Variants in MYO5C observed in about 807,000 individuals in gnomAD.
The protein encoded by MYO5C is unconventional myosin-Vc.
Under a neutral mutation model 235.7 loss-of-function variants are expected in MYO5C, and 194 were observed. The ratio of observed to expected loss-of-function variants is 0.82; its 90% CI spans 0.73 to 0.93. The LOEUF is 0.93. Ranked by LOEUF, MYO5C falls within the 40% of genes least tolerant of loss-of-function variation. MYO5C has a pLI of 0.00. For synonymous variants in MYO5C, 707 were observed against 754.8 expected (o/e 0.94, Z 1.04); for missense variants, 2,038 against 2,127.2 (o/e 0.96, Z 0.82).
chr15:52,249,706 T>C lies in MYO5C; in HGVS notation c.1663-923A>G, dbSNP rs75467621. ...TGGTGGTGTGAGCCACTAGGACAGA[T>C]AGACAAAGGTGGCAAATACAGAGCT... On this transcript the variant is annotated intron_variant, in intron 13 of 40. Transcript: ENST00000261839. Among the ~76,000 whole-genome samples the C allele has an allele frequency of 0.01, 1,551 of 152,274 alleles. 115 individuals are homozygous for C. The East Asian group carries it at 0.21, about 21-fold the overall frequency.
intron 11 of MYO5C, 48 bp downstream of exon 11, chr15:52,256,591 G>GCA (rs2036589223): frequency 9.2e-7 from 1 of 1,085,896 alleles, no homozygotes; most frequent in African/African-American, 3.1e-5. Flanking sequence ...ACACACACGC[G>GCA]CGCGCGCGCG....
rs1273586886 is a variant in MYO5C at position 52,193,751 on chromosome 15, TGTGA to T, written c.*147_*150del. 12 of 753,984 alleles carry T rather than the reference TGTGA, an allele frequency of 1.6e-5. No homozygotes were observed. The East Asian group carries it at 3.3e-4, about 21-fold the overall frequency. The allele number at this position is 753,984 out of a possible 1,614,324, so 46.7% of individuals were successfully genotyped here. A position where few individuals can be genotyped will look rare whatever the true frequency, so the allele number is the denominator to read the frequency against. On this transcript the variant is annotated 3_prime_UTR_variant, in exon 41 of 41. Coordinates refer to ENST00000261839, the MANE Select transcript of MYO5C (RefSeq NM_018728.4). Reference sequence around the variant, plus strand: ...AAAATTACAGGAGCAGCATTGTCACTGTGAGTGAGAGATGATGTGGTCCATTTGA... The same window carrying T: ...AAAATTACAGGAGCAGCATTGTCACTGTGAGAGATGATGTGGTCCATTTGA...
chr15:52,223,715 C>T lies in MYO5C; in HGVS notation c.3456G>A (p.Glu1152=). 1 of 1,613,462 alleles carries T rather than the reference C, an allele frequency of 6.2e-7. No homozygotes were observed. The highest frequency in any genetic ancestry group is 8.5e-7 in the Non-Finnish European group (1 of 1,179,732). The change falls in exon 29 of 41, where the codon GAG becomes GAA. Residue 1152 remains glutamate, a synonymous_variant. Transcript: ENST00000261839. ...AATCCTTCTGAGACTGGAAATGGCT[C>T]TCCAAAACACTATTAAAGGAGGGGT... is the stretch of plus-strand genomic sequence containing the variant. ...EGLKKATRVL[E]SHFQSQKDCY...
intron 21 of MYO5C, among the ~76,000 whole-genome samples, 186 bp from the exon 22 acceptor site, chr15:52,237,832 G>A (rs942123683): frequency 9.9e-5 from 15 of 152,114 alleles, no homozygotes. Flanking sequence ...ATCTTGCTGG[G>A]TACACATCTT....
At chr15:52,217,878 G>C (rs766825403) in intron 32 of MYO5C, among the ~76,000 whole-genome samples, 4 of 152,108 alleles carry the variant, frequency 2.6e-5, no homozygotes, top group Non-Finnish European at 5.9e-5. Flanking sequence ...AGGTTTCGAA[G>C]GGGCCCGAGA....
At chr15:52,286,379 G>T (rs1168004239) in intron 1 of MYO5C, among the ~76,000 whole-genome samples, 3 of 148,752 alleles carry the variant, frequency 2.0e-5, no homozygotes, top group Non-Finnish European at 4.5e-5. Flanking sequence ...GCCTCTGCCC[G>T]GCCGCCCCTA....
Position 52,196,398 on chromosome 15 carries a change from G to A in MYO5C, c.4906C>T (p.Gln1636Ter). ...TTGACCTGAAGCAACCAGGCTGCCT[G>A]AGAGAGGGGCTCCAAAGTTTCCTTT... ...LAKETLEPLS[Q>*]AAWLLQVKKT... The change falls in exon 39 of 41, where the codon CAG becomes TAG. Residue 1636 changes from glutamine (Q) to a stop codon, truncating the protein, a stop_gained. Transcript: ENST00000261839. LOFTEE classifies it high-confidence loss of function. The A allele has an allele frequency of 3.1e-6, 5 of 1,614,188 alleles. No individual in the cohort carries two copies. The highest frequency in any genetic ancestry group is 4.2e-6 in the Non-Finnish European group (5 of 1,180,018).
At chr15:52,276,729 G>A (rs2037060972) in intron 4 of MYO5C, among the ~76,000 whole-genome samples, 1 of 152,148 alleles carries the variant, frequency 6.6e-6, no homozygotes, top group South Asian at 2.1e-4. Flanking sequence ...TATTTTGAGA[G>A]CAATTATTCA....
intron 24 of MYO5C, among the ~76,000 whole-genome samples, chr15:52,229,779 T>C (rs2035908599): frequency 6.6e-6 from 1 of 152,222 alleles, no homozygotes; most frequent in Non-Finnish European, 1.5e-5. Flanking sequence ...TTTAGCAAAC[T>C]GTTTCCTCTT....
At position 52,196,363 on chromosome 15, in the gene MYO5C, T is replaced by A; in HGVS notation, c.4941A>T (p.Thr1647=). 1 of 1,614,156 alleles carries A rather than the reference T, an allele frequency of 6.2e-7. No individual in the cohort carries two copies. Among genetic ancestry groups the A allele is most frequent in the East Asian group, 2.2e-5 (1 of 44,882 alleles). The change falls in exon 39 of 41, where the codon ACA becomes ACT. Residue 1647 remains threonine (T), a synonymous_variant. Coordinates refer to ENST00000261839, the MANE Select transcript of MYO5C (RefSeq NM_018728.4). ...AAWLLQVKKT[T]DSDAKEIYER... ...CGTAGATCTCCTTGGCATCACTGTC[T>A]GTGGTCTTCTTGACCTGAAGCAACC...
chr15:52,212,955 G>A (rs2035479461), intron 34 of MYO5C, among the ~76,000 whole-genome samples: 1 of 152,120 alleles, frequency 6.6e-6, no homozygotes, highest in African/African-American at 2.4e-5. Flanking sequence ...CATCACTAGG[G>A]GTTGCTGCTG....
chr15:52,238,877 G>A (rs1051497080), intron 21 of MYO5C, among the ~76,000 whole-genome samples: 21 of 151,798 alleles, frequency 1.4e-4, no homozygotes, highest in African/African-American at 4.6e-4. Context: ...TCCTGACCTC[G>A]TGATCCACCC....
Position 52,224,898 on chromosome 15 carries a change from A to G in MYO5C, c.3446+3T>C. ...AAGAAGATCCCTGAGGAGAATTTCT[A>G]ACCGTGTTGCTTTCTTTAGTCCTTC... On this transcript the variant is annotated splice_donor_region_variant and intron_variant, in intron 28 of 40. Coordinates refer to ENST00000261839, the MANE Select transcript of MYO5C (RefSeq NM_018728.4). 6.2e-7 allele frequency: 1 copy of G among 1,609,878 alleles called. No homozygotes were observed. The highest frequency in any genetic ancestry group is 8.5e-7 in the Non-Finnish European group (1 of 1,178,054).
rs75006451 is a variant in MYO5C at position 52,225,608 on chromosome 15, T to C, written c.3208-76A>G. ...TTTATATAAGACAAAGGGAACACAA[T>C]TACAGCGTTGCGTGTCTATGCAAGA... On this transcript the variant is annotated intron_variant, in intron 25 of 40. Transcript: ENST00000261839. 5,741 of 997,522 alleles carry C rather than the reference T, an allele frequency of 5.8e-3. 144 individuals carry two copies. Among genetic ancestry groups the C allele is most frequent in the Admixed American group, 0.046 (2,669 of 58,288 alleles). 61.8% of individuals were successfully genotyped at this position (997,522 alleles called of 1,614,324 possible). A position where few individuals can be genotyped will look rare whatever the true frequency, so the allele number is the denominator to read the frequency against.
At chr15:52,252,852 G>A (rs1298737111) in intron 12 of MYO5C, among the ~76,000 whole-genome samples, 1 of 152,134 alleles carries the variant, frequency 6.6e-6, no homozygotes, top group Non-Finnish European at 1.5e-5. Flanking sequence ...GGCCCCATGA[G>A]AGACACTGCC....
intron 1 of MYO5C, among the ~76,000 whole-genome samples, chr15:52,290,645 T>G (rs1340824318): frequency 6.9e-6 from 1 of 143,970 alleles, no homozygotes; most frequent in African/African-American, 2.6e-5. Context: ...AAAAAAAAGG[T>G]CTCCAGAGGC....
At chr15:52,244,783 A>T (rs570188921) in intron 18 of MYO5C, among the ~76,000 whole-genome samples, 60 of 152,310 alleles carry the variant, frequency 3.9e-4, no homozygotes, top group African/African-American at 1.4e-3. Context: ...TGAGGAATCC[A>T]TTTGTGGGTG....
chr15:52,240,072 A>C (rs891187082), intron 20 of MYO5C, among the ~76,000 whole-genome samples, 193 bp from the exon 21 acceptor site: 2 of 152,138 alleles, frequency 1.3e-5, no homozygotes, highest in Admixed American at 1.3e-4. Context: ...ATGAACAGAC[A>C]CTCTCATTCT....
intron 32 of MYO5C, among the ~76,000 whole-genome samples, chr15:52,218,198 T>C (rs532691846): frequency 6.6e-6 from 1 of 152,334 alleles, no homozygotes; most frequent in East Asian, 1.9e-4. Context: ...CACTCACACG[T>C]AGGCCTTGCT....
Sources: allele counts gnomAD v4.1 joint callset (sites outside exome capture counted in the v4.1 genomes callset), GRCh38; gene constraint gnomAD v4.1.1; transcripts MANE v1.5; gene names NCBI Gene and HGNC (gene_info 2026-07-23, HGNC 2026-07-21).